Variants in ZNF835 observed in about 807,000 individuals in gnomAD.
ZNF835 encodes the protein zinc finger protein 835.
For synonymous variants in ZNF835, 323 were observed against 324.7 expected (o/e 0.99, Z 0.06); for missense variants, 783 against 758.4 (o/e 1.03, Z -0.38).
Position 56,663,967 on chromosome 19 carries a change from A to G in ZNF835, c.1232T>C (p.Ile411Thr). ...CTTGTAGGGCCGCTCTCCGGTGTGG[A>G]TCTTCTGGTGCTCTATAAGCGAGGA... ...HVSSLIEHQK[I>T]HTGERPYKCG... is the part of the protein sequence containing the mutation. The change falls in exon 2 of 2, where the codon ATC becomes ACC. Residue 411 changes from isoleucine (I) to threonine (T), a missense_variant. Ile to Thr is a moderately conservative substitution (Grantham distance 89). Coordinates refer to ENST00000537055, the MANE Select transcript of ZNF835 (RefSeq NM_001005850.3). 1 of 1,609,730 alleles carries G rather than the reference A, an allele frequency of 6.2e-7. No homozygotes were observed. Among genetic ancestry groups the G allele is most frequent in the South Asian group, 1.1e-5 (1 of 90,942 alleles).
chr19:56,663,952 C>T lies in ZNF835; in HGVS notation c.1247G>A (p.Arg416Gln). 1 of 1,609,406 alleles carries T rather than the reference C, an allele frequency of 6.2e-7. No homozygotes were observed. The highest frequency in any genetic ancestry group is 1.1e-5 in the South Asian group (1 of 90,948). Residue 416 changes from arginine to glutamine, a missense_variant, in exon 2 of 2, where the codon CGG becomes CAG. Coordinates refer to ENST00000537055, the MANE Select transcript of ZNF835 (RefSeq NM_001005850.3). Reference sequence around the variant, plus strand: ...GCCGCACTCGCCGCACTTGTAGGGCCGCTCTCCGGTGTGGATCTTCTGGTG... The same window carrying T: ...GCCGCACTCGCCGCACTTGTAGGGCTGCTCTCCGGTGTGGATCTTCTGGTG... ...IEHQKIHTGE[R>Q]PYKCGECGKA...
In ZNF835 at chr19:56,665,081, C is replaced by T. The variant is rs558080041; in HGVS notation, c.118G>A (p.Val40Met). The T allele has an allele frequency of 1.2e-6, 2 of 1,613,906 alleles. No homozygotes were observed. Among genetic ancestry groups the T allele is most frequent in the South Asian group, 1.1e-5 (1 of 91,086 alleles). The change falls in exon 2 of 2, where the codon GTG becomes ATG. Residue 40 changes from valine (V) to methionine (M), a missense_variant. Physicochemically the swap from Val to Met is conservative, Grantham distance 21. Coordinates refer to ENST00000537055, the MANE Select transcript of ZNF835 (RefSeq NM_001005850.3). Reference sequence around the variant, plus strand: ...CCAGCAGGGTCTCCCTTGCAGGCCACGGCCTCTGGCTCTGGACAGCTTTCC... The same window carrying T: ...CCAGCAGGGTCTCCCTTGCAGGCCATGGCCTCTGGCTCTGGACAGCTTTCC... ...NQESCPEPEA[V>M]ACKGDPAGDS...
Position 56,664,103 on chromosome 19 carries a change from C to A in ZNF835, c.1096G>T (p.Asp366Tyr), listed in dbSNP as rs540450261. 6.3e-7 allele frequency: 1 copy of A among 1,599,084 alleles called. No individual in the cohort carries two copies. The highest frequency in any genetic ancestry group is 8.5e-7 in the Non-Finnish European group (1 of 1,170,224). The part of the protein sequence containing the change: ...HTGERPYPCH[D>Y]CGKRFSNRSH... The stretch of plus-strand genomic sequence containing the variant: ...CGGTTGCTGAAGCGCTTGCCGCAGT[C>A]GTGGCAGGGGTAAGGCCGCTCTCCG... The change falls in exon 2 of 2, where the codon GAC (aspartate) becomes TAC (tyrosine). Residue 366 changes from aspartate to tyrosine, a missense_variant. Coordinates refer to ENST00000537055, the MANE Select transcript of ZNF835 (RefSeq NM_001005850.3).
At chr19:56,667,998 G>C (rs1353138501) in intron 1 of ZNF835, among the ~76,000 whole-genome samples, 2 of 151,372 alleles carry the variant, frequency 1.3e-5, no homozygotes, top group African/African-American at 4.9e-5. Context: ...TTGTTTGTTT[G>C]TTTTGTTTTG....
rs111306511 is a variant in ZNF835, at chr19:56,667,117, T to A, written c.-47-1872A>T. Among the ~76,000 whole-genome samples, 250 of 152,322 alleles carry A rather than the reference T, an allele frequency of 1.6e-3. 1 individual carries two copies. Among genetic ancestry groups the A allele is most frequent in the African/African-American group, 5.8e-3 (243 of 41,566 alleles). The stretch of plus-strand genomic sequence containing the variant: ...TGGAAAGCAGGGATCTGTTTTTATA[T>A]GAGCCCAGGAAGTCACTGTTTTTTA... On this transcript the variant is annotated intron_variant, in intron 1 of 1. Coordinates refer to ENST00000537055, the MANE Select transcript of ZNF835 (RefSeq NM_001005850.3).
In ZNF835 at chr19:56,671,121, A is replaced by G. The variant is rs79466396; in HGVS notation, c.-48+455T>C. On this transcript the variant is annotated intron_variant, in intron 1 of 1. Coordinates refer to ENST00000537055, the MANE Select transcript of ZNF835 (RefSeq NM_001005850.3). ...GCCTGGCACCGCCGAGTGAGCAGGT[A>G]CAGACACAGTGATGGGCTGGCACCG... 3.2e-3 allele frequency among the ~76,000 whole-genome samples: 396 copies of G among 124,920 alleles called. 2 individuals carry two copies. Among genetic ancestry groups the G allele is most frequent in the East Asian group, 5.6e-3 (16 of 2,874 alleles). 82.0% of individuals were successfully genotyped at this position (124,920 alleles called of 152,430 possible). A position where few individuals can be genotyped will look rare whatever the true frequency, so the allele number is the denominator to read the frequency against.
intron 1 of ZNF835, among the ~76,000 whole-genome samples, chr19:56,669,205 A>G (rs544457409): frequency 6.6e-6 from 1 of 152,242 alleles, no homozygotes; most frequent in South Asian, 2.1e-4. Flanking sequence ...CTGGTTTCCA[A>G]TAAAGGATAC....
chr19:56,669,543 C>G (rs972716702), intron 1 of ZNF835, among the ~76,000 whole-genome samples: 1 of 105,120 alleles, frequency 9.5e-6, no homozygotes, highest in Admixed American at 9.3e-5. Context: ...ACTTGGGGGT[C>G]TACCAGGAGT....
At position 56,663,478 on chromosome 19, in the gene ZNF835, G is replaced by A; in HGVS notation, c.*107C>T. ...TGTCTTCCCCACTGTGTGCCCTCAG[G>A]CAAGTTAACAAGCTTCTCTGAGCCT... On this transcript the variant is annotated 3_prime_UTR_variant, in exon 2 of 2. Transcript: ENST00000537055. The A allele has an allele frequency of 6.8e-7, 1 of 1,475,316 alleles. No individual in the cohort carries two copies. Among genetic ancestry groups the A allele is most frequent in the Non-Finnish European group, 9.2e-7 (1 of 1,085,158 alleles). 91.4% of individuals were successfully genotyped at this position (1,475,316 alleles called of 1,614,324 possible).
chr19:56,668,117 C>T (rs1012710102), intron 1 of ZNF835, among the ~76,000 whole-genome samples: 1 of 152,086 alleles, frequency 6.6e-6, no homozygotes, highest in Admixed American at 6.5e-5. Flanking sequence ...CCTGCCTCAG[C>T]CTCCTGCATA....
Position 56,664,387 on chromosome 19 carries a change from A to T in ZNF835, c.812T>A (p.Ile271Asn), listed in dbSNP as rs766953707. The change falls in exon 2 of 2, where the codon ATC becomes AAC. Residue 271 changes from isoleucine to asparagine, a missense_variant. Transcript: ENST00000537055. ...FSSALIRHQR[I>N]HTEEKPYRCG... ...GCGGTAGGGCTTCTCCTCCGTGTGG[A>T]TGCGCTGGTGGCGGATGAGCGCTGA... 11 of 1,604,290 alleles carry T rather than the reference A, an allele frequency of 6.9e-6. No individual in the cohort carries two copies. The Admixed American group carries it at 8.5e-5, about 12-fold the overall frequency.
chr19:56,665,006 A>G lies in ZNF835; in HGVS notation c.193T>C (p.Ser65Pro), dbSNP rs1600630905. ...CTGGCTTGGGTAGCAGCAGGGCTCG[A>G]TATGGTTCTTGGGATTCGGCTGAAT... The part of the protein sequence containing the change: ...DEFSRIPRTI[S>P]SPAATQASVP... Residue 65 changes from serine to proline, a missense_variant, in exon 2 of 2, where the codon TCG becomes CCG. Transcript: ENST00000537055. 1 of 1,613,936 alleles carries G rather than the reference A, an allele frequency of 6.2e-7. No homozygotes were observed. Among genetic ancestry groups the G allele is most frequent in the Non-Finnish European group, 8.5e-7 (1 of 1,179,878 alleles).
At chr19:56,671,085 A>G (rs555523620) in intron 1 of ZNF835, among the ~76,000 whole-genome samples, 1 of 152,244 alleles carries the variant, frequency 6.6e-6, no homozygotes, top group South Asian at 2.1e-4. Flanking sequence ...AGGCAGTCAC[A>G]CACCTGCAAG....
chr19:56,662,341 C>G lies in ZNF835; in HGVS notation c.*1244G>C, dbSNP rs2045192906. 6.6e-6 allele frequency: 1 copy of G among 152,190 alleles called. No individual in the cohort carries two copies. Among genetic ancestry groups the G allele is most frequent in the African/African-American group, 2.4e-5 (1 of 41,438 alleles). 9.4% of individuals were successfully genotyped at this position (152,190 alleles called of 1,614,324 possible). A position where few individuals can be genotyped will look rare whatever the true frequency, so the allele number is the denominator to read the frequency against. Reference sequence around the variant, plus strand: ...AGAACCAGCAGCTGACCTCCAGATGCATGAGAAATAGTAAATGGATAAATG... The same window carrying G: ...AGAACCAGCAGCTGACCTCCAGATGGATGAGAAATAGTAAATGGATAAATG... On this transcript the variant is annotated 3_prime_UTR_variant, in exon 2 of 2. Coordinates refer to ENST00000537055, the MANE Select transcript of ZNF835 (RefSeq NM_001005850.3).
chr19:56,661,988 T>C lies in ZNF835; in HGVS notation c.*1597A>G, dbSNP rs979860255. 6.6e-6 allele frequency: 1 copy of C among 152,300 alleles called. No individual in the cohort carries two copies. The highest frequency in any genetic ancestry group is 2.1e-4 in the South Asian group (1 of 4,824). 9.4% of individuals were successfully genotyped at this position (152,300 alleles called of 1,614,324 possible). ...CAATGATTATAGTCATGTGAAGTTA[T>C]GAGATTATAACTTTAATTCAACATT... is the stretch of plus-strand genomic sequence containing the variant. On this transcript the variant is annotated 3_prime_UTR_variant, in exon 2 of 2. Transcript: ENST00000537055.
intron 1 of ZNF835, among the ~76,000 whole-genome samples, chr19:56,668,623 A>G (rs1228531889): frequency 1.3e-5 from 2 of 152,080 alleles, no homozygotes; most frequent in Admixed American, 1.3e-4. Flanking sequence ...GGAGACCCTG[A>G]GGGAGTGATG....
At chr19:56,666,274 T>G (rs1009073617) in intron 1 of ZNF835, among the ~76,000 whole-genome samples, 6 of 152,108 alleles carry the variant, frequency 3.9e-5, no homozygotes, top group Non-Finnish European at 4.4e-5. Context: ...GCCCGGCTAA[T>G]TTTTGTATTT....
chr19:56,664,775 C>G lies in ZNF835; in HGVS notation c.424G>C (p.Glu142Gln). ...CTCTGGCTGAAGGCCTTGCCGCACT[C>G]GGGGCACGCAAATGGCTTCTCCCCG... ...HTGEKPFACP[E>Q]CGKAFSQSVH... is the part of the protein sequence containing the mutation. Residue 142 changes from glutamate (E) to glutamine (Q), a missense_variant, in exon 2 of 2, where the codon GAG becomes CAG. Transcript: ENST00000537055. 6.2e-7 allele frequency: 1 copy of G among 1,614,172 alleles called. No homozygotes were observed. Among genetic ancestry groups the G allele is most frequent in the Non-Finnish European group, 8.5e-7 (1 of 1,180,016 alleles).
chr19:56,665,215 G>C lies in ZNF835; in HGVS notation c.-17C>G. ...TCCCTCCATCCTCGATCCCTGGGCT[G>C]CTGTCTTGATCTCACATCTTTTCTC... On this transcript the variant is annotated 5_prime_UTR_variant, in exon 2 of 2. Transcript: ENST00000537055. The C allele has an allele frequency of 6.2e-7, 1 of 1,613,370 alleles. No individual in the cohort carries two copies. Among genetic ancestry groups the C allele is most frequent in the South Asian group, 1.1e-5 (1 of 91,058 alleles).
Sources: allele counts gnomAD v4.1 joint callset (sites outside exome capture counted in the v4.1 genomes callset), GRCh38; gene constraint gnomAD v4.1.1; transcripts MANE v1.5; gene names NCBI Gene and HGNC (gene_info 2026-07-23, HGNC 2026-07-21).